Variants in ARHGAP15 observed in about 807,000 individuals in gnomAD.
ARHGAP15 encodes rho GTPase-activating protein 15.
A neutral mutation model predicts 63.7 loss-of-function variants in ARHGAP15; 51 were observed. That is an observed-to-expected ratio of 0.80 (90% confidence interval 0.64 to 1.01). The LOEUF (loss-of-function observed/expected upper bound fraction) is 1.01, where lower values mean the gene tolerates loss of function less well. Among genes scored for constraint, ARHGAP15 ranks in the 50% least tolerant of loss-of-function variants. The pLI, the probability that ARHGAP15 is intolerant of heterozygous loss-of-function variation, is 0.00. For missense variants in ARHGAP15, 560 were observed against 564.6 expected (o/e 0.99, Z 0.08); for synonymous variants, 191 against 193.8 (o/e 0.99, Z 0.12).
intron 6 of ARHGAP15, among the ~76,000 whole-genome samples, chr2:143,347,904 A>AT (rs1558911013): frequency 6.6e-6 from 1 of 150,878 alleles, no homozygotes; most frequent in African/African-American, 2.4e-5. Flanking sequence ...TTAGAATTTG[A>AT]TTTTCCTCAC....
At chr2:143,526,847 G>A (rs1694303171) in intron 10 of ARHGAP15, among the ~76,000 whole-genome samples, 1 of 152,076 alleles carries the variant, frequency 6.6e-6, no homozygotes, top group African/African-American at 2.4e-5. Flanking sequence ...CAGTAGAAAT[G>A]TTTTGATTCT....
intron 8 of ARHGAP15, among the ~76,000 whole-genome samples, chr2:143,452,300 T>C (rs887498468): frequency 6.6e-6 from 1 of 151,950 alleles, no homozygotes; most frequent in African/African-American, 2.4e-5. Context: ...CACTTTGATA[T>C]AGGTAGGATC....
intron 13 of ARHGAP15, among the ~76,000 whole-genome samples, chr2:143,736,825 C>T (rs1685763875): frequency 6.6e-6 from 1 of 152,144 alleles, no homozygotes; most frequent in Non-Finnish European, 1.5e-5. Context: ...TAAAAGAAAG[C>T]AACATTTCAA....
chr2:143,631,549 T>G (rs1699071934), intron 12 of ARHGAP15, among the ~76,000 whole-genome samples: 1 of 152,112 alleles, frequency 6.6e-6, no homozygotes, highest in Non-Finnish European at 1.5e-5. Context: ...TGGTTTAATT[T>G]GCATTTCACT....
intron 11 of ARHGAP15, among the ~76,000 whole-genome samples, chr2:143,591,365 A>T (rs1184837369): frequency 6.6e-6 from 1 of 152,078 alleles, no homozygotes; most frequent in Non-Finnish European, 1.5e-5. Context: ...ACAAAACAAC[A>T]TTTGCTTAAA....
chr2:143,375,803 G>A (rs1406623778), intron 6 of ARHGAP15, among the ~76,000 whole-genome samples: 1 of 152,182 alleles, frequency 6.6e-6, no homozygotes, highest in Admixed American at 6.5e-5. Context: ...CATTCCGGCA[G>A]CCAAGAACAG....
At chr2:143,389,138 T>TA (rs1558938616) in intron 6 of ARHGAP15, among the ~76,000 whole-genome samples, 78 of 149,306 alleles carry the variant, frequency 5.2e-4, no homozygotes, top group African/African-American at 1.9e-3. Context: ...ATTATTATTT[T>TA]TTATTATTAT....
chr2:143,467,484 T>A (rs754563104), intron 8 of ARHGAP15, among the ~76,000 whole-genome samples: 4 of 152,042 alleles, frequency 2.6e-5, no homozygotes, highest in Non-Finnish European at 5.9e-5. Flanking sequence ...GGTTGTATAA[T>A]CTTCAGGAAA....
intron 11 of ARHGAP15, among the ~76,000 whole-genome samples, chr2:143,589,714 A>T (rs777878120): frequency 6.6e-6 from 1 of 152,150 alleles, no homozygotes; most frequent in Non-Finnish European, 1.5e-5. Context: ...GATATCCCAG[A>T]CCCAAGGTAA....
intron 9 of ARHGAP15, among the ~76,000 whole-genome samples, chr2:143,513,373 G>A (rs1693671041): frequency 6.6e-6 from 1 of 152,128 alleles, no homozygotes; most frequent in Non-Finnish European, 1.5e-5. Flanking sequence ...AAAATACCCT[G>A]TAGCTGAAAT....
At chr2:143,557,463 C>T (rs1474913358) in intron 11 of ARHGAP15, among the ~76,000 whole-genome samples, 5 of 151,884 alleles carry the variant, frequency 3.3e-5, no homozygotes, top group Non-Finnish European at 7.4e-5. Context: ...AGCAGTAGGA[C>T]GAGCTTGGGG....
intron 2 of ARHGAP15, among the ~76,000 whole-genome samples, chr2:143,190,152 A>G (rs1691623295): frequency 6.6e-6 from 1 of 152,214 alleles, no homozygotes; most frequent in Non-Finnish European, 1.5e-5. Context: ...TACAATAAAT[A>G]TTTCCTTAAT....
chr2:143,332,973 G>GA (rs34554225), intron 6 of ARHGAP15, among the ~76,000 whole-genome samples: 30,398 of 108,284 alleles, frequency 0.28, 3,702 homozygotes, highest in African/African-American at 0.39. Flanking sequence ...CATTTAAAAT[G>GA]AAAAAAAAAA....
chr2:143,147,501 T>A (rs1037614908), intron 1 of ARHGAP15, among the ~76,000 whole-genome samples: 4 of 152,020 alleles, frequency 2.6e-5, no homozygotes, highest in Admixed American at 2.6e-4. Flanking sequence ...TTTCTTATGC[T>A]CCCTAAATGT....
intron 5 of ARHGAP15, among the ~76,000 whole-genome samples, chr2:143,229,689 A>G (rs7576800): frequency 0.99 from 151,489 of 152,326 alleles, 75,334 homozygotes; most frequent in East Asian, 1. Context: ...TTTGTATTTG[A>G]CAGGTAATAA....
chr2:143,619,551 T>C (rs886662912), intron 11 of ARHGAP15, among the ~76,000 whole-genome samples: 1 of 152,204 alleles, frequency 6.6e-6, no homozygotes, highest in East Asian at 1.9e-4. Flanking sequence ...GACATCGTGA[T>C]TCAACCAGAC....
chr2:143,493,364 T>G (rs1436663432), intron 9 of ARHGAP15, among the ~76,000 whole-genome samples: 1 of 152,270 alleles, frequency 6.6e-6, no homozygotes, highest in African/African-American at 2.4e-5. Flanking sequence ...TATCAAATCT[T>G]TGGCCAAGTT....
intron 10 of ARHGAP15, among the ~76,000 whole-genome samples, chr2:143,543,955 T>C (rs984514609): frequency 3.3e-5 from 5 of 152,210 alleles, no homozygotes; most frequent in African/African-American, 1.2e-4. Flanking sequence ...CTAATCTTTC[T>C]ACTTTATATT....
intron 6 of ARHGAP15, among the ~76,000 whole-genome samples, chr2:143,325,048 C>T (rs1684192093): frequency 6.6e-6 from 1 of 152,076 alleles, no homozygotes; most frequent in Admixed American, 6.5e-5. Context: ...TTTATTATTT[C>T]TTATGAATCA....
Sources: gnomAD v4.1 joint callset for allele counts (sites outside exome capture counted in the v4.1 genomes callset) on GRCh38, gnomAD v4.1.1 for gene constraint, MANE v1.5 for transcripts, NCBI Gene and HGNC (gene_info 2026-07-23, HGNC 2026-07-21) for gene names.